Variants in DPH5 observed in about 807,000 individuals in gnomAD.
The protein encoded by DPH5 is diphthamide biosynthesis 5, also known as diphthine methyl ester synthase.
Under a neutral mutation model 31.6 loss-of-function variants are expected in DPH5, and 31 were observed. The observed-to-expected ratio is 0.98, with a 90% CI of 0.74 to 1.32. The LOEUF is 1.32. Ranked by LOEUF, DPH5 falls within the 40% of genes most tolerant of loss-of-function variation. The pLI is 0.00. For missense variants in DPH5, 309 were observed against 335.7 expected, an observed-to-expected ratio of 0.92 and a Z score of 0.62; for synonymous variants, 120 against 115.0, an observed-to-expected ratio of 1.04 and a Z score of -0.28.
At chr1:101,000,010 G>T (rs1658731719) in intron 5 of DPH5, among the ~76,000 whole-genome samples, 1 of 151,932 alleles carries the variant, frequency 6.6e-6, no homozygotes, top group South Asian at 2.1e-4. Context: ...AGCCGGGCGT[G>T]GTGGCATGAA....
chr1:101,021,302 T>C (rs1660421487), intron 3 of DPH5, among the ~76,000 whole-genome samples: 1 of 152,170 alleles, frequency 6.6e-6, no homozygotes, highest in Non-Finnish European at 1.5e-5. Flanking sequence ...ATGGCAGGCA[T>C]GACTTTTGAT....
rs1349693528 is a variant in DPH5 at position 101,021,718 on chromosome 1, C to T, written c.183G>A (p.Val61=). The T allele has an allele frequency of 4.3e-6, 7 of 1,613,632 alleles. No individual in the cohort carries two copies. Among genetic ancestry groups the T allele is most frequent in the Non-Finnish European group, 8.5e-7 (1 of 1,179,756 alleles). ...TTAAAATATTATCTGCTTCTTGTTC[C>T]ACTTCTTCTCTATCAGCAACAACCA... is the stretch of plus-strand genomic sequence containing the variant. ...RKLVVADREE[V]EQEADNILKD... The change falls in exon 3 of 8, where the codon GTG becomes GTA. Residue 61 remains valine (V), a synonymous_variant. Coordinates refer to ENST00000370109, the MANE Select transcript of DPH5 (RefSeq NM_015958.3).
intron 4 of DPH5, among the ~76,000 whole-genome samples, chr1:101,010,443 C>G (rs940094080): frequency 1.5e-4 from 23 of 152,236 alleles, no homozygotes; most frequent in South Asian, 6.2e-4. Flanking sequence ...CAAAAATTTT[C>G]TGTTGGCTAA....
At chr1:101,013,045 TTGA>T (rs750654634) in intron 4 of DPH5, among the ~76,000 whole-genome samples, 1 of 152,242 alleles carries the variant, frequency 6.6e-6, no homozygotes, top group Non-Finnish European at 1.5e-5. Context: ...GTCTTAACAA[TTGA>T]TGATGTCTTA....
Position 101,019,103 on chromosome 1 carries a change from A to T in DPH5, c.260+2538T>A, listed in dbSNP as rs12741827. On this transcript the variant is annotated intron_variant, in intron 3 of 7. Transcript: ENST00000370109. ...ATACAGAATGGAATAATAAAACAGAACCATCATTAGAAACAGTGTGTTTAA... is the reference window on the plus strand; with the variant it reads ...ATACAGAATGGAATAATAAAACAGATCCATCATTAGAAACAGTGTGTTTAA... Among the ~76,000 whole-genome samples, 179 of 152,326 alleles carry T rather than the reference A, an allele frequency of 1.2e-3. 1 individual carries two copies. The highest frequency in any genetic ancestry group is 4.2e-3 in the African/African-American group (174 of 41,586).
chr1:101,021,113 G>T (rs879420419), intron 3 of DPH5, among the ~76,000 whole-genome samples: 15 of 152,060 alleles, frequency 9.9e-5, no homozygotes, highest in African/African-American at 3.6e-4. Flanking sequence ...GCCCATCTTC[G>T]TGGTAATGAC....
Position 101,021,707 on chromosome 1 carries a change from G to GCTTCTTGTTCCA in DPH5, c.182_193dup (p.Val61_Glu64dup), listed in dbSNP as rs1188416972. On this transcript the variant is annotated inframe_insertion, in exon 3 of 8. Transcript: ENST00000370109. ...ATCAGCATCCTTTAAAATATTATCT[G>GCTTCTTGTTCCA]CTTCTTGTTCCACTTCTTCTCTATC... 1 of 1,613,704 alleles carries GCTTCTTGTTCCA rather than the reference G, an allele frequency of 6.2e-7. No individual in the cohort carries two copies. Among genetic ancestry groups the GCTTCTTGTTCCA allele is most frequent in the Non-Finnish European group, 8.5e-7 (1 of 1,179,820 alleles).
chr1:100,995,213 A>G (rs1658239912), intron 5 of DPH5, 64 bp from the exon 6 acceptor site: 1 of 1,157,944 alleles, frequency 8.6e-7, no homozygotes, highest in Admixed American at 1.9e-5. Flanking sequence ...CCTATGTGTA[A>G]ACCTCAGTTA....
At position 100,993,978 on chromosome 1, in the gene DPH5, G is replaced by A. The variant is rs1278602912; in HGVS notation, c.530+1132C>T. ...AGGCTGGTCTCGAACTGCTGACCTC[G>A]TGATCCACCTGCCTCGGCCTCCCAA... On this transcript the variant is annotated intron_variant, in intron 6 of 7. Coordinates refer to ENST00000370109, the MANE Select transcript of DPH5 (RefSeq NM_015958.3). Among the ~76,000 whole-genome samples, 4 of 151,900 alleles carry A rather than the reference G, an allele frequency of 2.6e-5. No individual in the cohort carries two copies. In the East Asian group the frequency reaches 7.8e-4, roughly 29 times the overall value.
At chr1:100,991,697 G>C (rs987291130) in intron 7 of DPH5, among the ~76,000 whole-genome samples, 3 of 151,200 alleles carry the variant, frequency 2.0e-5, no homozygotes, top group African/African-American at 7.3e-5. Flanking sequence ...GCTAAGGTGA[G>C]AGGGTGGCTT....
chr1:100,999,600 G>C (rs547186330), intron 5 of DPH5, among the ~76,000 whole-genome samples: 4 of 152,076 alleles, frequency 2.6e-5, no homozygotes, highest in Non-Finnish European at 5.9e-5. Flanking sequence ...CAGCACTTTG[G>C]GGGGCAGAGG....
chr1:101,000,132 T>C (rs918650636), intron 5 of DPH5, among the ~76,000 whole-genome samples: 14 of 151,988 alleles, frequency 9.2e-5, no homozygotes, highest in Admixed American at 7.2e-4. Context: ...GGGCAACAGA[T>C]TGAGACTCTG....
intron 5 of DPH5, among the ~76,000 whole-genome samples, chr1:100,996,489 A>G (rs1658360632): frequency 6.6e-6 from 1 of 152,186 alleles, no homozygotes; most frequent in Non-Finnish European, 1.5e-5. Flanking sequence ...CACACAGTCC[A>G]TAATTATTCC....
intron 5 of DPH5, among the ~76,000 whole-genome samples, chr1:101,000,160 T>G (rs1296215134): frequency 6.7e-6 from 1 of 149,822 alleles, no homozygotes; most frequent in Non-Finnish European, 1.5e-5. Context: ...AAAAAAAAAG[T>G]GGCAAACAGA....
In DPH5 at chr1:100,990,334, G is replaced by C; in HGVS notation, c.*74C>G. 2 of 1,362,360 alleles carry C rather than the reference G, an allele frequency of 1.5e-6. No individual in the cohort carries two copies. The highest frequency in any genetic ancestry group is 2.1e-6 in the Non-Finnish European group (2 of 963,942). 84.4% of individuals were successfully genotyped at this position (1,362,360 alleles called of 1,614,324 possible). On this transcript the variant is annotated 3_prime_UTR_variant, in exon 8 of 8. Transcript: ENST00000370109. ...GGATTAAAATTCAAGATGAGACTTG[G>C]GTGGGGATACATCCAAACCATATCA... is the stretch of plus-strand genomic sequence containing the variant.
intron 6 of DPH5, among the ~76,000 whole-genome samples, chr1:100,993,559 A>AAT (rs10527775): frequency 0.12 from 6,591 of 55,582 alleles, 713 homozygotes; most frequent in South Asian, 0.17. Context: ...CGAAAATATA[A>AAT]ATATATATAT....
intron 4 of DPH5, 26 bp downstream of exon 4, chr1:101,013,684 C>T: frequency 6.9e-7 from 1 of 1,440,184 alleles, no homozygotes; most frequent in Non-Finnish European, 9.5e-7. Flanking sequence ...TTTAATTCCA[C>T]TGAAAAACCT....
At chr1:101,009,015 T>C (rs574099668) in intron 4 of DPH5, among the ~76,000 whole-genome samples, 1 of 152,196 alleles carries the variant, frequency 6.6e-6, no homozygotes, top group Non-Finnish European at 1.5e-5. Flanking sequence ...AGATTTGCCT[T>C]TTGGGGACAC....
At chr1:100,995,051 T>C in intron 6 of DPH5, 59 bp downstream of exon 6, 1 of 1,181,936 alleles carries the variant, frequency 8.5e-7, no homozygotes, top group Non-Finnish European at 1.3e-6. Context: ...TTAAGTAGAA[T>C]GTATTGAATT....
Sources: gnomAD v4.1 joint callset for allele counts (sites outside exome capture counted in the v4.1 genomes callset) on GRCh38, gnomAD v4.1.1 for gene constraint, MANE v1.5 for transcripts, NCBI Gene and HGNC (gene_info 2026-07-23, HGNC 2026-07-21) for gene names.